Variants in GLB1L3 observed in about 807,000 individuals in gnomAD.
GLB1L3 encodes galactosidase beta 1 like 3.
A neutral mutation model predicts 89.5 loss-of-function variants in GLB1L3; 89 were observed. The ratio of observed to expected loss-of-function variants is 0.99; its 90% CI spans 0.84 to 1.19. GLB1L3 has a LOEUF of 1.19. Among genes scored for constraint, GLB1L3 ranks in the 50% most tolerant of loss-of-function variants. The pLI is 0.00. For synonymous variants in GLB1L3, 314 were observed against 312.3 expected, an observed-to-expected ratio of 1.01 and a Z score of -0.06; for missense variants, 812 against 813.3, an observed-to-expected ratio of 1.00 and a Z score of 0.02.
intron 5 of GLB1L3, among the ~76,000 whole-genome samples, chr11:134,283,417 G>T (rs993794487): frequency 6.6e-6 from 1 of 152,200 alleles, no homozygotes; most frequent in Non-Finnish European, 1.5e-5. Flanking sequence ...CCAAAAGGTA[G>T]AAGAAAAAGC....
At chr11:134,292,893 C>G in intron 8 of GLB1L3, 2 of 565,290 alleles carry the variant, frequency 3.5e-6, no homozygotes, top group Non-Finnish European at 6.3e-6. Flanking sequence ...TGTCAGGGAG[C>G]CTTGGCCTGG....
rs1941169151 is a variant in GLB1L3 at position 134,288,802 on chromosome 11, G to A, written c.641G>A (p.Arg214His). ...LIPRVIPLQY[R>H]QAGPVIAVQV... ...CCTCCTATGCTTGTTTCTCAGTACC[G>A]CCAGGCAGGCCCTGTCATCGCGGTG... Residue 214 changes from arginine (R) to histidine (H), a missense_variant, in exon 7 of 20, where the codon CGC (arginine) becomes CAC (histidine). Arg to His is a conservative substitution (Grantham distance 29, BLOSUM62 0). Coordinates refer to ENST00000431683, the MANE Select transcript of GLB1L3 (RefSeq NM_001080407.3). 6.2e-7 allele frequency: 1 copy of A among 1,612,048 alleles called. No homozygotes were observed. Among genetic ancestry groups the A allele is most frequent in the Non-Finnish European group, 8.5e-7 (1 of 1,178,946 alleles).
At chr11:134,323,848 T>C (rs512359), downstream of GLB1L3, among the ~76,000 whole-genome samples, 46,487 of 152,058 alleles carry the variant, frequency 0.31, 7,442 homozygotes, top group African/African-American at 0.36. Flanking sequence ...ATTCAACCTT[T>C]CTGAACGTCT....
Position 134,292,153 on chromosome 11 carries a change from G to A in GLB1L3, c.751G>A (p.Val251Met). 6.2e-7 allele frequency: 1 copy of A among 1,613,700 alleles called. No individual in the cohort carries two copies. The highest frequency in any genetic ancestry group is 8.5e-7 in the Non-Finnish European group (1 of 1,179,682). Residue 251 changes from valine to methionine, a missense_variant, in exon 8 of 20, where the codon GTG becomes ATG. Val to Met is a conservative substitution (Grantham distance 21). Around this residue, in one of 3 missense-constraint regions of GLB1L3, gnomAD observed 618 missense variants for 604.0 expected, o/e 1.02. Transcript: ENST00000431683. The stretch of plus-strand genomic sequence containing the variant: ...ACAGGCCCTGCTGAGAAGAGGGATT[G>A]TGGAGCTTCTCTTGACCTCTGATGG... ...LHKALLRRGI[V>M]ELLLTSDGEK...
rs367948889 is a variant in GLB1L3, at chr11:134,292,151, T to C, written c.749T>C (p.Ile250Thr). 1.7e-5 allele frequency: 27 copies of C among 1,613,444 alleles called. No individual in the cohort carries two copies. The African/African-American group carries it at 2.4e-4, about 14-fold the overall frequency. ...YLHKALLRRG[I>T]VELLLTSDGE... ...CAACAGGCCCTGCTGAGAAGAGGGATTGTGGAGCTTCTCTTGACCTCTGAT... is the reference window on the plus strand; with the variant it reads ...CAACAGGCCCTGCTGAGAAGAGGGACTGTGGAGCTTCTCTTGACCTCTGAT... The change falls in exon 8 of 20, where the codon ATT (isoleucine) becomes ACT (threonine). Residue 250 changes from isoleucine to threonine, a missense_variant. Ile to Thr is a moderately conservative substitution (Grantham distance 89). Around this residue, in one of 3 missense-constraint regions of GLB1L3, gnomAD observed 618 missense variants for 604.0 expected, o/e 1.02. Coordinates refer to ENST00000431683, the MANE Select transcript of GLB1L3 (RefSeq NM_001080407.3).
intron 5 of GLB1L3, among the ~76,000 whole-genome samples, chr11:134,283,220 AC>A (rs1438724607): frequency 6.6e-6 from 1 of 151,678 alleles, no homozygotes; most frequent in African/African-American, 2.4e-5. Context: ...CCGCCACCAC[AC>A]CCGGCTAATT....
chr11:134,308,244 T>TCATCACCATCACCACCAC (rs1942349283), intron 10 of GLB1L3, among the ~76,000 whole-genome samples: 2 of 19,786 alleles, frequency 1.0e-4, no homozygotes, highest in Admixed American at 5.6e-4. Flanking sequence ...ACCATCACCA[T>TCATCACCATCACCACCAC]CACCACCATC....
chr11:134,279,570 C>G (rs928900612), intron 3 of GLB1L3, among the ~76,000 whole-genome samples: 2 of 151,748 alleles, frequency 1.3e-5, no homozygotes, highest in Non-Finnish European at 2.9e-5. Flanking sequence ...TTCACCATAT[C>G]GGTCAGGCTG....
At chr11:134,286,083 A>AT (rs1940968620) in intron 6 of GLB1L3, among the ~76,000 whole-genome samples, 1 of 151,578 alleles carries the variant, frequency 6.6e-6, no homozygotes, top group African/African-American at 2.4e-5. Context: ...TAATTTTTGT[A>AT]TTTTTAGTAG....
At chr11:134,283,868 A>G (rs1404866366) in intron 6 of GLB1L3, 23 bp downstream of exon 6, 2 of 1,401,426 alleles carry the variant, frequency 1.4e-6, no homozygotes, top group Admixed American at 3.4e-5. Context: ...TGTCCCCTGC[A>G]TCTTTCTTAC....
Position 134,296,452 on chromosome 11 carries a change from A to C in GLB1L3, c.876+3243A>C, listed in dbSNP as rs542818339. On this transcript the variant is annotated intron_variant, in intron 9 of 19. Coordinates refer to ENST00000431683, the MANE Select transcript of GLB1L3 (RefSeq NM_001080407.3). ...GACTTGGAACCAACCCAAATGTCCA[A>C]CAATGATAGACTGGATTAAGAAAAT... Among the ~76,000 whole-genome samples, 90 of 130,896 alleles carry C rather than the reference A, an allele frequency of 6.9e-4. No individual in the cohort carries two copies. In the South Asian group the frequency reaches 7.4e-3, roughly 11 times the overall value. The allele number at this position is 130,896 out of a possible 152,430, so 85.9% of individuals were successfully genotyped here. A position where few individuals can be genotyped will look rare whatever the true frequency, so the allele number is the denominator to read the frequency against.
chr11:134,323,394 CGT>C (rs768126612), downstream of GLB1L3, among the ~76,000 whole-genome samples: 18 of 51,728 alleles, frequency 3.5e-4, no homozygotes, highest in East Asian at 2.8e-3. Context: ...CACACACACA[CGT>C]ACACACACAC....
At chr11:134,292,092 A>G (rs1565398373) in intron 7 of GLB1L3, 40 bp from the exon 8 acceptor site, 1 of 1,432,822 alleles carries the variant, frequency 7.0e-7, no homozygotes, top group South Asian at 1.2e-5. Context: ...TCCCATGGGA[A>G]TGAGGGAATT....
Position 134,312,492 on chromosome 11 carries a change from A to G in GLB1L3, c.1428+3A>G. ...CCCACGCTCATGACGTGGCACAGGTAGGGCCAGCAGGCTGTCTGTGTGGGA... is the reference window on the plus strand; with the variant it reads ...CCCACGCTCATGACGTGGCACAGGTGGGGCCAGCAGGCTGTCTGTGTGGGA... On this transcript the variant is annotated splice_donor_region_variant and intron_variant, in intron 14 of 19. Transcript: ENST00000431683. 6.2e-7 allele frequency: 1 copy of G among 1,610,640 alleles called. No individual in the cohort carries two copies.
At position 134,318,619 on chromosome 11, in the gene GLB1L3, C is replaced by G; in HGVS notation, c.1780-12C>G. On this transcript the variant is annotated splice_polypyrimidine_tract_variant and intron_variant, in intron 18 of 19. Transcript: ENST00000431683. ...AACCAATTTCCAAATCTCAAGCCAC[C>G]ATTCCTTTCAGAACTGGAATTATGG... 6.5e-7 allele frequency: 1 copy of G among 1,536,710 alleles called. No homozygotes were observed. The highest frequency in any genetic ancestry group is 1.1e-5 in the South Asian group (1 of 87,646).
intron 5 of GLB1L3, among the ~76,000 whole-genome samples, chr11:134,283,363 C>CA (rs1208319771): frequency 2.6e-5 from 4 of 151,958 alleles, no homozygotes; most frequent in African/African-American, 4.8e-5. Context: ...CGCGCCTGAC[C>CA]AAAAAATGTT....
At chr11:134,290,178 A>G (rs1941267134) in intron 7 of GLB1L3, among the ~76,000 whole-genome samples, 1 of 148,288 alleles carries the variant, frequency 6.7e-6, no homozygotes, top group Non-Finnish European at 1.5e-5. Context: ...TTCAGCCAGC[A>G]TTATTTAATC....
chr11:134,311,176 T>G lies in GLB1L3; in HGVS notation c.1287+6T>G. On this transcript the variant is annotated splice_donor_region_variant and intron_variant, in intron 13 of 19. Coordinates refer to ENST00000431683, the MANE Select transcript of GLB1L3 (RefSeq NM_001080407.3). ...CCCTATCCTACTTAAATGAGGTGCGTGCTGCCTGGCCACAGGAGGCGGAGT... is the reference window on the plus strand; with the variant it reads ...CCCTATCCTACTTAAATGAGGTGCGGGCTGCCTGGCCACAGGAGGCGGAGT... 2 of 1,608,302 alleles carry G rather than the reference T, an allele frequency of 1.2e-6. No individual in the cohort carries two copies. Among genetic ancestry groups the G allele is most frequent in the Non-Finnish European group, 8.5e-7 (1 of 1,174,818 alleles).
Position 134,313,926 on chromosome 11 carries a change from C to CAGATGGGA in GLB1L3, c.1580-14_1580-13insGATGGGAA. 1 of 1,540,780 alleles carries CAGATGGGA rather than the reference C, an allele frequency of 6.5e-7. No individual in the cohort carries two copies. Among genetic ancestry groups the CAGATGGGA allele is most frequent in the Non-Finnish European group, 9.0e-7 (1 of 1,115,366 alleles). On this transcript the variant is annotated splice_polypyrimidine_tract_variant and intron_variant, in intron 16 of 19. Coordinates refer to ENST00000431683, the MANE Select transcript of GLB1L3 (RefSeq NM_001080407.3). ...GGCTCATATTCTCTTTCCTGCCTCC[C>CAGATGGGA]ATCTGCATCTGCAGGAATAACTGGA...
Sources: allele counts gnomAD v4.1 joint callset (sites outside exome capture counted in the v4.1 genomes callset), GRCh38; gene constraint gnomAD v4.1.1; regional missense constraint gnomAD v4.1.1; transcripts MANE v1.5; gene names NCBI Gene and HGNC (gene_info 2026-07-23, HGNC 2026-07-21).